MACF1: variants seen among roughly 807,000 people sequenced by gnomAD.
MACF1 encodes the protein microtubule-actin cross-linking factor 1.
In MACF1, 193 loss-of-function variants were observed where a neutral mutation model predicts 854.8. The ratio of observed to expected loss-of-function variants is 0.23; its 90% CI spans 0.20 to 0.25. The LOEUF (loss-of-function observed/expected upper bound fraction) is 0.25, where lower values mean the gene tolerates loss of function less well. Ranked by LOEUF, MACF1 falls within the 10% of genes least tolerant of loss-of-function variation. The probability of loss-of-function intolerance (pLI) is 1.00; values close to 1 mark genes in which losing one functional copy is unlikely to be tolerated. For missense variants in MACF1, 7,722 were observed against 8,929.1 expected, an observed-to-expected ratio of 0.86 and a Z score of 5.45; for synonymous variants, 3,185 against 3,226.7, an observed-to-expected ratio of 0.99 and a Z score of 0.44.
chr1:39,162,014 G>C (rs955813599), intron 2 of MACF1, among the ~76,000 whole-genome samples: 13 of 151,862 alleles, frequency 8.6e-5, no homozygotes, highest in African/African-American at 3.1e-4. Context: ...AGTGAGCTAT[G>C]ATCATGCCAC....
rs184010733 is a variant in MACF1 at position 39,248,670 on chromosome 1, A to G, written c.172-1344A>G. Among the ~76,000 whole-genome samples, 53 of 152,312 alleles carry G rather than the reference A, an allele frequency of 3.5e-4. 1 individual carries two copies. The highest frequency in any genetic ancestry group is 1.2e-3 in the African/African-American group (50 of 41,572). ...CTTTCTAGCGTTGTCTGGAAAATTA[A>G]TATATTAAAAATCAATCTTCCTTAT... On this transcript the variant is annotated intron_variant, in intron 2 of 100. Transcript: ENST00000564288.
chr1:39,477,999 ATTTTT>A (rs36028217), intron 97 of MACF1, among the ~76,000 whole-genome samples: 1 of 101,858 alleles, frequency 9.8e-6, no homozygotes, highest in African/African-American at 3.8e-5. Context: ...TCAGAAGTGA[ATTTTT>A]TTTTTTTTTT....
intron 74 of MACF1, among the ~76,000 whole-genome samples, chr1:39,441,640 A>G (rs577578696): frequency 2.0e-5 from 3 of 152,332 alleles, no homozygotes; most frequent in Non-Finnish European, 4.4e-5. Context: ...CTTCAAGCAC[A>G]GTTTGGCACA....
At chr1:39,480,054 T>C in intron 98 of MACF1, 45 bp downstream of exon 98, 1 of 1,217,158 alleles carries the variant, frequency 8.2e-7, no homozygotes, top group Non-Finnish European at 1.2e-6. Context: ...AATCCCACCC[T>C]CACAGATGTT....
At chr1:39,209,910 G>A (rs1224957689) in intron 1 of MACF1, among the ~76,000 whole-genome samples, 1 of 151,988 alleles carries the variant, frequency 6.6e-6, no homozygotes, top group African/African-American at 2.4e-5. Flanking sequence ...CCAACATGGT[G>A]AAACCCCATC....
chr1:39,206,475 G>A (rs1023464289), intron 1 of MACF1: 1 of 152,108 alleles, frequency 6.6e-6, no homozygotes, highest in South Asian at 2.1e-4. Flanking sequence ...CTAATTAGTT[G>A]TTAATATTTT....
upstream of MACF1, among the ~76,000 whole-genome samples, chr1:39,202,443 T>G (rs904870068): frequency 2.6e-5 from 4 of 151,552 alleles, no homozygotes; most frequent in African/African-American, 7.2e-5. Flanking sequence ...GAGACCAGCC[T>G]GGCCAATGCG....
intron 58 of MACF1, among the ~76,000 whole-genome samples, chr1:39,405,433 G>A (rs1026602248): frequency 1.3e-5 from 2 of 152,222 alleles, no homozygotes; most frequent in Non-Finnish European, 2.9e-5. Context: ...ACCCATCAAG[G>A]TGGGTGATAA....
At chr1:39,240,347 CTG>C (rs1293354089) in intron 2 of MACF1, among the ~76,000 whole-genome samples, 4 of 152,152 alleles carry the variant, frequency 2.6e-5, no homozygotes, top group African/African-American at 9.7e-5. Context: ...TGGTTTGTGG[CTG>C]TCTTTGCCTG....
At chr1:39,243,119 A>G (rs555793888) in intron 2 of MACF1, among the ~76,000 whole-genome samples, 1 of 152,316 alleles carries the variant, frequency 6.6e-6, no homozygotes, top group Admixed American at 6.5e-5. Flanking sequence ...TCTGTCTTTT[A>G]TAATATAGAC....
chr1:39,353,308 C>A, intron 44 of MACF1, 77 bp downstream of exon 44: 1 of 1,140,770 alleles, frequency 8.8e-7, no homozygotes, highest in Non-Finnish European at 1.2e-6. Flanking sequence ...TCACCTTGCC[C>A]CTAAATCCAG....
chr1:39,381,186 T>C (rs1191627096), intron 55 of MACF1, among the ~76,000 whole-genome samples: 1 of 151,868 alleles, frequency 6.6e-6, no homozygotes, highest in Non-Finnish European at 1.5e-5. Flanking sequence ...GCCTCCCGAG[T>C]AGCTGGCATT....
intron 6 of MACF1, among the ~76,000 whole-genome samples, chr1:39,275,230 C>T (rs191582831): frequency 2.0e-5 from 3 of 152,134 alleles, no homozygotes; most frequent in African/African-American, 7.2e-5. Flanking sequence ...AGGCGCCCGC[C>T]GCCATGCCCG....
intron 63 of MACF1, among the ~76,000 whole-genome samples, chr1:39,428,589 T>C (rs1478474493): frequency 6.6e-6 from 1 of 152,182 alleles, no homozygotes; most frequent in African/African-American, 2.4e-5. Flanking sequence ...TAAGATTCTA[T>C]TTGAGCAGTT....
chr1:39,385,921 A>G lies in MACF1; in HGVS notation c.14336A>G (p.Asp4779Gly). 6.2e-7 allele frequency: 1 copy of G among 1,603,764 alleles called. No homozygotes were observed. The highest frequency in any genetic ancestry group is 1.7e-5 in the Admixed American group (1 of 58,726). The change falls in exon 57 of 101, where the codon GAC becomes GGC. Residue 4779 changes from aspartate (D) to glycine (G), a missense_variant. Asp to Gly is a moderately conservative substitution (Grantham distance 94, BLOSUM62 -1). This residue lies in a region of MACF1 where 2,807 missense variants were observed against 3,235.8 expected (regional missense o/e 0.87). Transcript: ENST00000564288. Reference protein sequence around the residue: ...TVALPLQGLEDLAADRINRLQ... With the variant: ...TVALPLQGLEGLAADRINRLQ... ...GCCCTGCCTCTCCAAGGTTTAGAAG[A>G]CCTTGCAGGTAAGTTGGGGTGAAGA...
chr1:39,141,794 A>G (rs1278426442), intron 2 of MACF1, among the ~76,000 whole-genome samples: 2 of 152,210 alleles, frequency 1.3e-5, no homozygotes, highest in East Asian at 3.8e-4. Flanking sequence ...AAATGCGTGT[A>G]TCTTGGGGGA....
chr1:39,307,901 CTTTTTTTTTT>C (rs34930273), intron 23 of MACF1, among the ~76,000 whole-genome samples: 1 of 50,392 alleles, frequency 2.0e-5, no homozygotes, highest in African/African-American at 7.6e-5. Context: ...TTCTTTCTTT[CTTTTTTTTTT>C]TTTTTTTTTT....
At chr1:39,175,956 A>AT (rs1644018921) in intron 2 of MACF1, among the ~76,000 whole-genome samples, 1 of 148,300 alleles carries the variant, frequency 6.7e-6, no homozygotes, top group Non-Finnish European at 1.5e-5. Context: ...AAAAAAAAAA[A>AT]AAAATTAGCC....
rs776992394 is a variant in MACF1, at chr1:39,357,830, T to C, written c.11880T>C (p.Ile3960=). 4.3e-6 allele frequency: 7 copies of C among 1,613,968 alleles called. No individual in the cohort carries two copies. Among genetic ancestry groups the C allele is most frequent in the Non-Finnish European group, 5.9e-6 (7 of 1,180,010 alleles). ...AGGAAGGCAAAGAACCATCAGAAATTGGAAACTTAGTAAAGGACAAGTTGA... is the reference window on the plus strand; with the variant it reads ...AGGAAGGCAAAGAACCATCAGAAATCGGAAACTTAGTAAAGGACAAGTTGA... ...SFKEGKEPSE[I]GNLVKDKLKD... is the part of the protein sequence containing the mutation. Residue 3960 remains isoleucine, a synonymous_variant, in exon 45 of 101, where the codon ATT becomes ATC. Coordinates refer to ENST00000564288, the MANE Select transcript of MACF1 (RefSeq NM_001394062.1).
Sources: gnomAD v4.1 joint callset for allele counts (sites outside exome capture counted in the v4.1 genomes callset) on GRCh38, gnomAD v4.1.1 for gene constraint, gnomAD v4.1.1 regional missense constraint, MANE v1.5 for transcripts, NCBI Gene and HGNC (gene_info 2026-07-23, HGNC 2026-07-21) for gene names.